The following RNF216 variants were observed in gnomAD, a reference collection of about 807,000 sequenced individuals.
RNF216 encodes the protein E3 ubiquitin-protein ligase RNF216.
A neutral mutation model predicts 110.8 loss-of-function variants in RNF216; 72 were observed. That is an observed-to-expected ratio of 0.65 (90% CI 0.54 to 0.79). RNF216 has a LOEUF of 0.79. Among genes scored for constraint, RNF216 ranks in the 30% least tolerant of loss-of-function variants. The pLI is 0.00. For synonymous variants in RNF216, 495 were observed against 407.5 expected (o/e 1.21, Z -2.59); for missense variants, 1,342 against 1,141.2 (o/e 1.18, Z -2.54).
intron 11 of RNF216, 130 bp downstream of exon 11, chr7:5,714,923 T>C (rs1792945851): frequency 6.9e-6 from 5 of 727,924 alleles, no homozygotes; most frequent in Non-Finnish European, 6.5e-6. Flanking sequence ...CATCAGGTAA[T>C]GTACACATAA....
chr7:5,638,136 C>T (rs1004182754), intron 15 of RNF216, among the ~76,000 whole-genome samples: 9 of 152,196 alleles, frequency 5.9e-5, no homozygotes, highest in Non-Finnish European at 7.3e-5. Context: ...CTACCACCTG[C>T]CCCTGTGGTA....
intron 2 of RNF216, among the ~76,000 whole-genome samples, chr7:5,758,106 A>G (rs146761775): frequency 6.6e-6 from 1 of 152,372 alleles, no homozygotes; most frequent in African/African-American, 2.4e-5. Context: ...TATATCTCCA[A>G]AGTCAGTAAT....
intron 13 of RNF216, among the ~76,000 whole-genome samples, chr7:5,667,958 G>C (rs1789635716): frequency 6.6e-6 from 1 of 152,222 alleles, no homozygotes; most frequent in African/African-American, 2.4e-5. Context: ...GCTGGTTCCA[G>C]GGTACAGCGC....
intron 10 of RNF216, among the ~76,000 whole-genome samples, chr7:5,715,841 A>C (rs1027427696): frequency 2.0e-5 from 3 of 149,842 alleles, no homozygotes; most frequent in Non-Finnish European, 4.4e-5. Flanking sequence ...TCCCAGGTTC[A>C]AGCGATTCTC....
rs1794618761 is a variant in RNF216, at chr7:5,739,303, T to A, written c.1094A>T (p.His365Leu). ...ATTCAGATCATAATAATTCTTAAAA[T>A]GAATTATTTCCTCAATAAACCCATT... The part of the protein sequence containing the change: ...VANGFIEEII[H>L]FKNYYDLNVL... The change falls in exon 5 of 17, where the codon CAT becomes CTT. Residue 365 changes from histidine to leucine, a missense_variant. Transcript: ENST00000389902. 6.3e-7 allele frequency: 1 copy of A among 1,596,712 alleles called. No homozygotes were observed. Among genetic ancestry groups the A allele is most frequent in the South Asian group, 1.2e-5 (1 of 86,830 alleles).
chr7:5,763,354 G>C (rs1251158166), intron 1 of RNF216, among the ~76,000 whole-genome samples: 1 of 152,176 alleles, frequency 6.6e-6, no homozygotes, highest in African/African-American at 2.4e-5. Flanking sequence ...TTGAGGGCTA[G>C]GAGCGATGGC....
chr7:5,757,220 T>A (rs561649672), intron 2 of RNF216, among the ~76,000 whole-genome samples: 22 of 152,344 alleles, frequency 1.4e-4, no homozygotes, highest in African/African-American at 5.3e-4. Flanking sequence ...ACTATAATGG[T>A]GGATTTGTCC....
At chr7:5,651,534 G>C (rs370246545) in intron 14 of RNF216, among the ~76,000 whole-genome samples, 10 of 152,308 alleles carry the variant, frequency 6.6e-5, no homozygotes, top group African/African-American at 2.4e-4. Context: ...GCCCGGCTGT[G>C]AGACAATCTC....
At chr7:5,714,002 T>C (rs1271172458) in intron 11 of RNF216, among the ~76,000 whole-genome samples, 2 of 152,166 alleles carry the variant, frequency 1.3e-5, no homozygotes, top group African/African-American at 4.8e-5. Flanking sequence ...AAACATAAAC[T>C]TTATTTATTT....
intron 11 of RNF216, among the ~76,000 whole-genome samples, chr7:5,713,886 C>G (rs1238259047): frequency 6.6e-6 from 1 of 152,212 alleles, no homozygotes; most frequent in Non-Finnish European, 1.5e-5. Flanking sequence ...GAGGAAGAAA[C>G]AGTGGCTTAA....
At chr7:5,732,831 C>G (rs1794171311) in intron 5 of RNF216, 1 of 152,236 alleles carries the variant, frequency 6.6e-6, no homozygotes, top group Non-Finnish European at 1.5e-5. Flanking sequence ...GCTAGCAGTT[C>G]TAGAGAAGTC....
intron 1 of RNF216, among the ~76,000 whole-genome samples, chr7:5,776,758 G>A (rs1796801800): frequency 6.6e-6 from 1 of 151,314 alleles, no homozygotes; most frequent in Non-Finnish European, 1.5e-5. Context: ...AAAATTAGCT[G>A]GGTGTGGTGG....
intron 15 of RNF216, among the ~76,000 whole-genome samples, chr7:5,627,642 G>T (rs946530857): frequency 6.6e-6 from 1 of 152,170 alleles, no homozygotes; most frequent in South Asian, 2.1e-4. Context: ...AGCTACTCGG[G>T]AGGCTGAGGC....
intron 15 of RNF216, among the ~76,000 whole-genome samples, chr7:5,633,118 T>C (rs894445095): frequency 6.6e-6 from 1 of 151,748 alleles, no homozygotes; most frequent in Non-Finnish European, 1.5e-5. Flanking sequence ...CAGCTGGGAG[T>C]ACAGGCGTCC....
chr7:5,729,934 T>C lies in RNF216; in HGVS notation c.1225-338A>G, dbSNP rs528077574. Among the ~76,000 whole-genome samples the C allele has an allele frequency of 2.0e-5, 3 of 152,326 alleles. No individual in the cohort carries two copies. The East Asian group carries it at 5.8e-4, about 29-fold the overall frequency. ...GACAGTCAAAGAATCTATGGGGAGT[T>C]GGAAGATCAAGCAACAGATCTTAAT... On this transcript the variant is annotated intron_variant, in intron 6 of 16. Transcript: ENST00000389902.
chr7:5,722,514 C>T (rs1440712595), intron 8 of RNF216, among the ~76,000 whole-genome samples: 1 of 151,674 alleles, frequency 6.6e-6, no homozygotes, highest in African/African-American at 2.4e-5. Context: ...CCTCAGCCTC[C>T]CGAGTAGCTG....
At position 5,730,746 on chromosome 7, in the gene RNF216, C is replaced by T; in HGVS notation, c.1193G>A (p.Ser398Asn). 1 of 1,610,722 alleles carries T rather than the reference C, an allele frequency of 6.2e-7. No individual in the cohort carries two copies. The highest frequency in any genetic ancestry group is 8.5e-7 in the Non-Finnish European group (1 of 1,177,952). Residue 398 changes from serine (S) to asparagine (N), a missense_variant, in exon 6 of 17, where the codon AGC (serine) becomes AAC (asparagine). Physicochemically the swap from Ser to Asn is conservative, Grantham distance 46. Coordinates refer to ENST00000389902, the MANE Select transcript of RNF216 (RefSeq NM_207111.4). The part of the protein sequence containing the change: ...REDRIIINPS[S>N]SLLASQDETK... ...CTCATCTTGGCTGGCCAGCAGACTG[C>T]TACTGGGATTTATAATGATTCTGTC...
At chr7:5,727,855 G>A (rs1433285021) in intron 7 of RNF216, among the ~76,000 whole-genome samples, 1 of 151,362 alleles carries the variant, frequency 6.6e-6, no homozygotes, top group Admixed American at 6.6e-5. Flanking sequence ...CTTCTCACCT[G>A]GTATCTCTGG....
chr7:5,777,317 G>C (rs1796839166), intron 1 of RNF216, among the ~76,000 whole-genome samples: 1 of 152,214 alleles, frequency 6.6e-6, no homozygotes, highest in Non-Finnish European at 1.5e-5. Context: ...GTAAGTATTA[G>C]GGTGGTTTGT....
Sources: allele counts gnomAD v4.1 joint callset (sites outside exome capture counted in the v4.1 genomes callset), GRCh38; gene constraint gnomAD v4.1.1; transcripts MANE v1.5; gene names NCBI Gene and HGNC (gene_info 2026-07-23, HGNC 2026-07-21).